Variants in MAGI1 observed in about 807,000 individuals in gnomAD.
MAGI1 encodes membrane associated guanylate kinase, WW and PDZ domain containing 1, also known as membrane-associated guanylate kinase, WW and PDZ domain-containing protein 1.
Under a neutral mutation model 139.9 loss-of-function variants are expected in MAGI1, and 58 were observed. That is an observed-to-expected ratio of 0.41 (90% CI 0.34 to 0.52). The LOEUF is 0.52. MAGI1 is among the 20% of genes least tolerant of loss of function. The pLI, the probability that MAGI1 is intolerant of heterozygous loss-of-function variation, is 0.12. For synonymous variants in MAGI1, 812 were observed against 737.9 expected, an observed-to-expected ratio of 1.10 and a Z score of -1.63; for missense variants, 1,874 against 1,901.6, an observed-to-expected ratio of 0.99 and a Z score of 0.27.
chr3:65,911,778 T>G (rs112022294), intron 1 of MAGI1, among the ~76,000 whole-genome samples: 118 of 152,392 alleles, frequency 7.7e-4, no homozygotes, highest in African/African-American at 2.8e-3. Context: ...CATTGGATTA[T>G]TTCCTAGCAT....
intron 4 of MAGI1, among the ~76,000 whole-genome samples, chr3:65,477,100 G>T (rs913357559): frequency 6.6e-6 from 1 of 152,174 alleles, no homozygotes; most frequent in African/African-American, 2.4e-5. Context: ...CAACTACCAA[G>T]AGCCAAGCCA....
chr3:65,960,165 A>C (rs2064354105), intron 1 of MAGI1, among the ~76,000 whole-genome samples: 1 of 152,150 alleles, frequency 6.6e-6, no homozygotes, highest in Non-Finnish European at 1.5e-5. Context: ...GTTCTTGTCA[A>C]ACCAATGACT....
At chr3:66,011,698 AGAC>A (rs1270439167) in intron 1 of MAGI1, among the ~76,000 whole-genome samples, 1 of 152,154 alleles carries the variant, frequency 6.6e-6, no homozygotes, top group Non-Finnish European at 1.5e-5. Flanking sequence ...GCCTTGGTTG[AGAC>A]GACTTCACAG....
chr3:65,554,315 G>T (rs1291689764), intron 2 of MAGI1, among the ~76,000 whole-genome samples: 1 of 152,128 alleles, frequency 6.6e-6, no homozygotes, highest in Non-Finnish European at 1.5e-5. Context: ...TATATCCCTA[G>T]ACTAGAGAAG....
intron 3 of MAGI1, among the ~76,000 whole-genome samples, chr3:65,480,156 A>G (rs1448125265): frequency 1.3e-5 from 1 of 77,090 alleles, no homozygotes; most frequent in African/African-American, 4.6e-5. Context: ...TTATTACACA[A>G]GCACCAAAAA....
At chr3:65,712,677 A>C (rs1206630293) in intron 1 of MAGI1, among the ~76,000 whole-genome samples, 1 of 151,676 alleles carries the variant, frequency 6.6e-6, no homozygotes, top group Non-Finnish European at 1.5e-5. Context: ...ACACCTAGCT[A>C]ATTTTTGTAT....
chr3:65,695,734 G>GA (rs1294097108), intron 1 of MAGI1, among the ~76,000 whole-genome samples: 2 of 152,154 alleles, frequency 1.3e-5, no homozygotes, highest in African/African-American at 4.8e-5. Flanking sequence ...GAAATAAAAA[G>GA]ACTTCATTTG....
chr3:65,530,658 T>TATACACATATATATATAC (rs1559642194), intron 2 of MAGI1, among the ~76,000 whole-genome samples: 1 of 130,616 alleles, frequency 7.7e-6, no homozygotes, highest in African/African-American at 3.3e-5. Context: ...TGTGTGTGTG[T>TATACACATATATATATAC]GTGTATATAT....
intron 1 of MAGI1, among the ~76,000 whole-genome samples, chr3:65,775,195 C>G (rs1352843019): frequency 2.0e-5 from 3 of 152,044 alleles, no homozygotes; most frequent in Middle Eastern, 3.4e-3. Context: ...CCTGTAATCC[C>G]AGCACTTTCT....
intron 2 of MAGI1, among the ~76,000 whole-genome samples, chr3:65,613,954 C>G (rs1011383470): frequency 1.3e-5 from 2 of 152,150 alleles, no homozygotes; most frequent in Non-Finnish European, 2.9e-5. Flanking sequence ...GAAGAAGGAT[C>G]AGTCTTAACA....
At chr3:65,645,374 T>C (rs2085204139) in intron 1 of MAGI1, among the ~76,000 whole-genome samples, 1 of 152,016 alleles carries the variant, frequency 6.6e-6, no homozygotes, top group African/African-American at 2.4e-5. Flanking sequence ...GGAAACCTAA[T>C]AGAAAAGGGT....
intron 2 of MAGI1, among the ~76,000 whole-genome samples, chr3:65,537,034 T>C (rs1382859781): frequency 1.3e-5 from 2 of 152,206 alleles, no homozygotes; most frequent in Non-Finnish European, 2.9e-5. Context: ...TGGAATGAAT[T>C]TTAAGTGAAA....
chr3:65,493,363 G>C (rs1012755811), intron 3 of MAGI1, 149 bp downstream of exon 3: 34 of 826,076 alleles, frequency 4.1e-5, no homozygotes, highest in Middle Eastern at 3.5e-4. Context: ...CATAGACTTT[G>C]TCTATTATTC....
At chr3:65,763,083 C>A (rs1489811566) in intron 1 of MAGI1, among the ~76,000 whole-genome samples, 1 of 152,210 alleles carries the variant, frequency 6.6e-6, no homozygotes, top group African/African-American at 2.4e-5. Flanking sequence ...TCTGACCCCA[C>A]TCTTTTCCTT....
At chr3:65,411,786 C>T (rs1406875663) in intron 12 of MAGI1, among the ~76,000 whole-genome samples, 1 of 152,092 alleles carries the variant, frequency 6.6e-6, no homozygotes, top group Non-Finnish European at 1.5e-5. Context: ...AGAATAATAT[C>T]CGGGCTTTTA....
At chr3:65,646,629 C>G (rs1319247593) in intron 1 of MAGI1, among the ~76,000 whole-genome samples, 1 of 151,804 alleles carries the variant, frequency 6.6e-6, no homozygotes, top group Non-Finnish European at 1.5e-5. Context: ...GAACATATAC[C>G]AAGATTGACC....
At chr3:65,598,175 T>C (rs2082314228) in intron 2 of MAGI1, among the ~76,000 whole-genome samples, 1 of 148,496 alleles carries the variant, frequency 6.7e-6, no homozygotes, top group African/African-American at 2.5e-5. Flanking sequence ...CCCGGGCTCC[T>C]AGAGGCTGCC....
At chr3:65,929,042 G>C (rs573188162) in intron 1 of MAGI1, among the ~76,000 whole-genome samples, 2 of 151,960 alleles carry the variant, frequency 1.3e-5, no homozygotes, top group East Asian at 3.9e-4. Flanking sequence ...TAATCCACCA[G>C]TTTGGGAAGC....
chr3:65,863,759 G>A (rs1055163350), intron 1 of MAGI1, among the ~76,000 whole-genome samples: 1 of 152,092 alleles, frequency 6.6e-6, no homozygotes, highest in Non-Finnish European at 1.5e-5. Flanking sequence ...AACCCAAAAT[G>A]ACTTGATACA....
Sources: gnomAD v4.1 joint callset for allele counts (sites outside exome capture counted in the v4.1 genomes callset) on GRCh38, gnomAD v4.1.1 for gene constraint, MANE v1.5 for transcripts, NCBI Gene and HGNC (gene_info 2026-07-23, HGNC 2026-07-21) for gene names.